The following SLCO1A2 variants were observed in gnomAD, a reference collection of about 807,000 sequenced individuals.
The protein encoded by SLCO1A2 is OATP-1.
A neutral mutation model predicts 69.0 loss-of-function variants in SLCO1A2; 67 were observed. The ratio of observed to expected loss-of-function variants is 0.97; its 90% CI spans 0.80 to 1.19. The LOEUF (loss-of-function observed/expected upper bound fraction) is 1.19, where lower values mean the gene tolerates loss of function less well. SLCO1A2 is among the 50% of genes most tolerant of loss of function. The probability of loss-of-function intolerance (pLI) is 0.00; values close to 1 mark genes in which losing one functional copy is unlikely to be tolerated. For synonymous variants in SLCO1A2, 260 were observed against 265.9 expected (o/e 0.98, Z 0.22); for missense variants, 787 against 793.7 (o/e 0.99, Z 0.10).
chr12:21,340,354 G>A (rs1010996074), intron 2 of SLCO1A2, among the ~76,000 whole-genome samples: 21 of 152,044 alleles, frequency 1.4e-4, no homozygotes, highest in Middle Eastern at 6.8e-3. Flanking sequence ...TACATACACC[G>A]TATTTGTTAC....
intron 5 of SLCO1A2, 29 bp downstream of exon 5, chr12:21,306,853 A>G (rs1419954819): frequency 1.3e-6 from 2 of 1,529,520 alleles, no homozygotes; most frequent in African/African-American, 1.4e-5. Flanking sequence ...AGTTCGCTGA[A>G]CAAAAATCAA....
At chr12:21,401,472 C>A (rs1013141653) in intron 1 of SLCO1A2, among the ~76,000 whole-genome samples, 13 of 151,750 alleles carry the variant, frequency 8.6e-5, no homozygotes, top group African/African-American at 2.9e-4. Flanking sequence ...GAAAAATTAT[C>A]ATGCTTACTG....
rs1942103853 is a variant in SLCO1A2, at chr12:21,266,746, G to A, written c.*2802C>T. ...AGATCTAGCAGAAACCCATTTACCT[G>A]CTGTAATGCTATCTGGCTCCACAAA... is the stretch of plus-strand genomic sequence containing the variant. On this transcript the variant is annotated 3_prime_UTR_variant, in exon 15 of 15. Transcript: ENST00000683939. The A allele has an allele frequency of 6.6e-6, 1 of 151,614 alleles. No homozygotes were observed. Among genetic ancestry groups the A allele is most frequent in the Non-Finnish European group, 1.5e-5 (1 of 67,900 alleles). 9.4% of individuals were successfully genotyped at this position (151,614 alleles called of 1,614,324 possible).
intron 1 of SLCO1A2, among the ~76,000 whole-genome samples, chr12:21,416,535 G>C (rs568970717): frequency 9.0e-4 from 137 of 151,980 alleles, no homozygotes; most frequent in South Asian, 4.2e-3. Flanking sequence ...AGCTAGCTTC[G>C]TGGGTATGTG....
chr12:21,418,954 A>G (rs1295933838), upstream of SLCO1A2, among the ~76,000 whole-genome samples: 2 of 152,188 alleles, frequency 1.3e-5, no homozygotes, highest in East Asian at 3.8e-4. Context: ...TTAGTAGCAC[A>G]CAAAAATTGT....
chr12:21,418,491 A>C (rs902678764), upstream of SLCO1A2, among the ~76,000 whole-genome samples: 7 of 152,170 alleles, frequency 4.6e-5, no homozygotes, highest in African/African-American at 1.7e-4. Flanking sequence ...TCACAGTTAC[A>C]TGTGGCTAGG....
At chr12:21,357,901 C>A (rs1048291394) in intron 2 of SLCO1A2, among the ~76,000 whole-genome samples, 4 of 152,072 alleles carry the variant, frequency 2.6e-5, no homozygotes, top group African/African-American at 7.2e-5. Context: ...TATAAACATG[C>A]AAACCATTAA....
At chr12:21,316,705 T>C (rs1950910368) in intron 3 of SLCO1A2, among the ~76,000 whole-genome samples, 1 of 152,160 alleles carries the variant, frequency 6.6e-6, no homozygotes, top group South Asian at 2.1e-4. Context: ...AGATCTATTC[T>C]TTGTCCATTG....
intron 2 of SLCO1A2, among the ~76,000 whole-genome samples, chr12:21,360,694 T>C (rs1364082953): frequency 6.6e-6 from 1 of 152,204 alleles, no homozygotes; most frequent in Non-Finnish European, 1.5e-5. Context: ...ACCCTAATAC[T>C]GCTCTTTTCC....
At chr12:21,372,937 C>G (rs1220902245) in intron 2 of SLCO1A2, 6 of 235,044 alleles carry the variant, frequency 2.6e-5, no homozygotes, top group African/African-American at 1.2e-4. Flanking sequence ...CAAGCTTGGA[C>G]TCTTTTCTTG....
chr12:21,311,039 G>C (rs151187287), intron 4 of SLCO1A2, among the ~76,000 whole-genome samples: 1 of 152,210 alleles, frequency 6.6e-6, no homozygotes, highest in African/African-American at 2.4e-5. Context: ...CATTTCAACA[G>C]TTTTCACAGG....
chr12:21,377,575 C>A (rs1940296020), intron 1 of SLCO1A2, among the ~76,000 whole-genome samples: 1 of 152,198 alleles, frequency 6.6e-6, no homozygotes, highest in African/African-American at 2.4e-5. Context: ...CCCCCTCTCC[C>A]TTGCCCCTGA....
chr12:21,374,594 A>AG (rs1224323809), intron 1 of SLCO1A2: 6 of 152,206 alleles, frequency 3.9e-5, no homozygotes, highest in African/African-American at 1.4e-4. Context: ...TTTAGTTTAC[A>AG]GGGTGTTCTT....
chr12:21,280,045 G>A lies in SLCO1A2; in HGVS notation c.1611-4621C>T, dbSNP rs12322006. Among the ~76,000 whole-genome samples the A allele has an allele frequency of 4.5e-3, 678 of 151,286 alleles. 5 individuals carry two copies. Among genetic ancestry groups the A allele is most frequent in the African/African-American group, 0.014 (580 of 41,298 alleles). The stretch of plus-strand genomic sequence containing the variant: ...AACATATTATCACCTAAAAAAATGG[G>A]CTATAAGATAGCATTTGCAAGCCTC... On this transcript the variant is annotated intron_variant, in intron 12 of 14. Coordinates refer to ENST00000683939, the MANE Select transcript of SLCO1A2 (RefSeq NM_001386879.1).
chr12:21,274,388 A>G, intron 14 of SLCO1A2, 81 bp downstream of exon 14: 1 of 855,642 alleles, frequency 1.2e-6, no homozygotes, highest in South Asian at 1.7e-5. Context: ...CACTTGACAA[A>G]GAAAAAGTTA....
intron 4 of SLCO1A2, among the ~76,000 whole-genome samples, chr12:21,310,160 T>C (rs1335956029): frequency 6.6e-6 from 1 of 152,228 alleles, no homozygotes; most frequent in Admixed American, 6.5e-5. Flanking sequence ...TCAATACATA[T>C]TGTGTAACAC....
chr12:21,351,431 T>TG (rs1937946079), intron 2 of SLCO1A2, among the ~76,000 whole-genome samples: 1 of 152,020 alleles, frequency 6.6e-6, no homozygotes, highest in African/African-American at 2.4e-5. Context: ...CATCATACAT[T>TG]TGGTGCCTTG....
At chr12:21,295,981 G>C (rs1410201920) in intron 9 of SLCO1A2, among the ~76,000 whole-genome samples, 189 bp from the exon 10 acceptor site, 1 of 152,106 alleles carries the variant, frequency 6.6e-6, no homozygotes, top group Non-Finnish European at 1.5e-5. Context: ...CCCCCATAAT[G>C]GGGAAGTATA....
intron 5 of SLCO1A2, 43 bp from the exon 6 acceptor site, chr12:21,304,616 A>G (rs996937361): frequency 1.6e-5 from 24 of 1,526,468 alleles, no homozygotes; most frequent in Non-Finnish European, 2.0e-5. Flanking sequence ...CTTTGACGAT[A>G]AAGTGTCAGT....
Sources: gnomAD v4.1 joint callset for allele counts (sites outside exome capture counted in the v4.1 genomes callset) on GRCh38, gnomAD v4.1.1 for gene constraint, MANE v1.5 for transcripts, NCBI Gene and HGNC (gene_info 2026-07-23, HGNC 2026-07-21) for gene names.